USP37: variants seen among roughly 807,000 people sequenced by gnomAD.
USP37 encodes the protein ubiquitin specific peptidase 37.
In USP37, 27 loss-of-function variants were observed where a neutral mutation model predicts 124.0. The ratio of observed to expected loss-of-function variants is 0.22; its 90% CI spans 0.16 to 0.30. USP37 has a LOEUF of 0.30. Among genes scored for constraint, USP37 ranks in the 10% least tolerant of loss-of-function variants. The pLI, the probability that USP37 is intolerant of heterozygous loss-of-function variation, is 1.00. For synonymous variants in USP37, 365 were observed against 388.0 expected (o/e 0.94, Z 0.70); for missense variants, 889 against 1,140.4 (o/e 0.78, Z 3.17).
chr2:218,553,669 C>A lies in USP37; in HGVS notation c.212G>T (p.Arg71Leu). 6.2e-7 allele frequency: 1 copy of A among 1,613,884 alleles called. No individual in the cohort carries two copies. Among genetic ancestry groups the A allele is most frequent in the Non-Finnish European group, 8.5e-7 (1 of 1,179,886 alleles). ...VLRPSGAKQS[R>L]LMLTLQDNSF... ...GTTATCTTGCAGAGTTAACATTAGG[C>A]GGCTTTGTTTCGCTCCACTGGGTCG... is the stretch of plus-strand genomic sequence containing the variant. The change falls in exon 5 of 26, where the codon CGC (arginine) becomes CTC (leucine). Residue 71 changes from arginine to leucine, a missense_variant. Physicochemically the swap from Arg to Leu is moderately radical, Grantham distance 102. Coordinates refer to ENST00000258399, the MANE Select transcript of USP37 (RefSeq NM_020935.3).
intron 18 of USP37, 48 bp downstream of exon 18, chr2:218,479,602 G>A: frequency 7.2e-6 from 11 of 1,529,754 alleles, no homozygotes; most frequent in Non-Finnish European, 1.0e-5. Context: ...ATTAGGGTAA[G>A]CCAAAACCTT....
At position 218,531,322 on chromosome 2, in the gene USP37, T is replaced by C. The variant is rs767185245; in HGVS notation, c.779-1282A>G. On this transcript the variant is annotated intron_variant, in intron 9 of 25. Coordinates refer to ENST00000258399, the MANE Select transcript of USP37 (RefSeq NM_020935.3). The stretch of plus-strand genomic sequence containing the variant: ...TTATGCTAATTCTACTTGCCTGTGC[T>C]CTAGAAATGGAACAACGAAACCTAG... Among the ~76,000 whole-genome samples the C allele has an allele frequency of 2.0e-4, 31 of 152,348 alleles. 1 individual carries two copies. The highest frequency in any genetic ancestry group is 7.2e-4 in the Admixed American group (11 of 15,298).
At chr2:218,489,399 GAAC>G (rs1354177198) in intron 14 of USP37, among the ~76,000 whole-genome samples, 3 of 150,954 alleles carry the variant, frequency 2.0e-5, no homozygotes, top group Non-Finnish European at 3.0e-5. Flanking sequence ...GAAAGAAACA[GAAC>G]AACACCATCA....
chr2:218,555,063 T>A (rs945646991), intron 4 of USP37, among the ~76,000 whole-genome samples: 3 of 152,212 alleles, frequency 2.0e-5, no homozygotes, highest in Non-Finnish European at 4.4e-5. Context: ...TACCAGACTT[T>A]GGAAATGTGC....
At position 218,490,994 on chromosome 2, in the gene USP37, C is replaced by T. The variant is rs570322439; in HGVS notation, c.1473-2573G>A. On this transcript the variant is annotated intron_variant, in intron 14 of 25. Coordinates refer to ENST00000258399, the MANE Select transcript of USP37 (RefSeq NM_020935.3). ...GCTCAAGCAATCCTCCCACCTTAGCCTCCCAAATAGCTGGGACTACAGGTG... is the reference window on the plus strand; with the variant it reads ...GCTCAAGCAATCCTCCCACCTTAGCTTCCCAAATAGCTGGGACTACAGGTG... 2.4e-3 allele frequency among the ~76,000 whole-genome samples: 364 copies of T among 152,308 alleles called. 4 individuals carry two copies. The highest frequency in any genetic ancestry group is 8.4e-3 in the African/African-American group (348 of 41,562).
intron 10 of USP37, among the ~76,000 whole-genome samples, chr2:218,520,857 T>C (rs1349135717): frequency 3.9e-5 from 6 of 152,178 alleles, no homozygotes; most frequent in African/African-American, 1.4e-4. Context: ...ATAGCTGATA[T>C]AGTTTGGATA....
intron 25 of USP37, 140 bp downstream of exon 25, chr2:218,455,440 C>G (rs761308327): frequency 1.9e-6 from 2 of 1,047,998 alleles, no homozygotes; most frequent in East Asian, 5.1e-5. Flanking sequence ...AAGAGATAGA[C>G]CCTAACCAAA....
At chr2:218,540,703 A>G (rs1033075061) in intron 8 of USP37, among the ~76,000 whole-genome samples, 11 of 152,218 alleles carry the variant, frequency 7.2e-5, no homozygotes, top group African/African-American at 2.7e-4. Flanking sequence ...TTTTTGGACC[A>G]AGGTTGACCA....
intron 14 of USP37, among the ~76,000 whole-genome samples, chr2:218,491,354 T>C (rs902183215): frequency 1.1e-4 from 16 of 152,184 alleles, no homozygotes; most frequent in Admixed American, 2.0e-4. Context: ...AGTGGACAGC[T>C]AGCAAGAAAA....
chr2:218,482,916 A>T (rs1251535089), intron 16 of USP37, among the ~76,000 whole-genome samples: 2 of 152,128 alleles, frequency 1.3e-5, no homozygotes, highest in African/African-American at 4.8e-5. Context: ...TGGATTAAAT[A>T]TATTTCTCAA....
intron 17 of USP37, 65 bp downstream of exon 17, chr2:218,482,005 G>T: frequency 6.8e-7 from 1 of 1,478,110 alleles, no homozygotes; most frequent in South Asian, 1.4e-5. Flanking sequence ...TCATTCTTTT[G>T]ATTAGATACT....
chr2:218,507,694 G>C (rs1689754836), intron 11 of USP37, among the ~76,000 whole-genome samples: 1 of 152,098 alleles, frequency 6.6e-6, no homozygotes, highest in South Asian at 2.1e-4. Context: ...GATGGAGGTG[G>C]AGGGAGGGGA....
intron 10 of USP37, among the ~76,000 whole-genome samples, chr2:218,521,476 C>T (rs1197460018): frequency 1.3e-5 from 2 of 152,014 alleles, no homozygotes; most frequent in East Asian, 3.9e-4. Context: ...TGTCCTAATG[C>T]CCTCCCCTCC....
intron 20 of USP37, among the ~76,000 whole-genome samples, chr2:218,468,839 G>A (rs1295990986): frequency 1.3e-5 from 2 of 151,908 alleles, no homozygotes; most frequent in South Asian, 2.1e-4. Flanking sequence ...GATTACAGGC[G>A]TGTGCCACCA....
At position 218,546,276 on chromosome 2, in the gene USP37, T is replaced by A. The variant is rs200753223; in HGVS notation, c.625A>T (p.Ile209Leu). Residue 209 changes from isoleucine to leucine, a missense_variant, in exon 8 of 26, where the codon ATA becomes TTA. Physicochemically the swap from Ile to Leu is conservative, Grantham distance 5. This residue lies in a region of USP37 where 374 missense variants were observed against 386.0 expected (regional missense o/e 0.97). Coordinates refer to ENST00000258399, the MANE Select transcript of USP37 (RefSeq NM_020935.3). ...ENRTEKRKRM[I>L]STGSELNEDY... Reference sequence around the variant, plus strand: ...TCATTCAATTCTGAGCCAGTTGATATCATTCTTTTCCTCTTTTCAGTACTA... The same window carrying A: ...TCATTCAATTCTGAGCCAGTTGATAACATTCTTTTCCTCTTTTCAGTACTA... 2.5e-6 allele frequency: 4 copies of A among 1,612,884 alleles called. No homozygotes were observed. The highest frequency in any genetic ancestry group is 3.4e-6 in the Non-Finnish European group (4 of 1,179,740).
intron 8 of USP37, 41 bp from the exon 9 acceptor site, chr2:218,534,747 A>G (rs1010557378): frequency 1.5e-6 from 2 of 1,328,472 alleles, no homozygotes; most frequent in Admixed American, 2.4e-5. Context: ...ACAGGTGTAT[A>G]AAAATATTGT....
intron 14 of USP37, among the ~76,000 whole-genome samples, chr2:218,488,824 G>A (rs377296934): frequency 2.0e-5 from 3 of 151,582 alleles, no homozygotes; most frequent in African/African-American, 7.3e-5. Flanking sequence ...TAGTAGAGAC[G>A]GGGTTTCTCC....
chr2:218,500,998 AC>A (rs1391942203), intron 11 of USP37: 2 of 164,226 alleles, frequency 1.2e-5, no homozygotes, highest in African/African-American at 4.8e-5. Context: ...CTGGTGAACA[AC>A]GGGGTGACAG....
intron 8 of USP37, among the ~76,000 whole-genome samples, chr2:218,535,083 T>C (rs1478683351): frequency 6.6e-6 from 1 of 152,118 alleles, no homozygotes; most frequent in African/African-American, 2.4e-5. Context: ...AAGTAAACTG[T>C]GGCCAGGCGC....
Sources: allele counts gnomAD v4.1 joint callset (sites outside exome capture counted in the v4.1 genomes callset), GRCh38; gene constraint gnomAD v4.1.1; regional missense constraint gnomAD v4.1.1; transcripts MANE v1.5; gene names NCBI Gene and HGNC (gene_info 2026-07-23, HGNC 2026-07-21).